The following C12orf42 variants were observed in gnomAD, a reference collection of about 807,000 sequenced individuals.
C12orf42 encodes uncharacterized protein C12orf42.
A neutral mutation model predicts 21.6 loss-of-function variants in C12orf42; 25 were observed. The observed-to-expected ratio is 1.16, with a 90% CI of 0.84 to 1.62. C12orf42 has a LOEUF of 1.62. C12orf42 is among the 40% of genes most tolerant of loss of function. The pLI is 0.00. For missense variants in C12orf42, 483 were observed against 459.3 expected (o/e 1.05, Z -0.47); for synonymous variants, 174 against 175.0 (o/e 0.99, Z 0.05).
At chr12:103,268,576 G>C (rs1253188385) in exon 7 of C12orf42, 1 of 151,480 alleles carries the variant, frequency 6.6e-6, no homozygotes, top group African/African-American at 2.4e-5. Flanking sequence ...AAATCCTCCT[G>C]AACTTGTAAG....
At chr12:103,374,200 A>G (rs972977071) in intron 3 of C12orf42, among the ~76,000 whole-genome samples, 5 of 151,958 alleles carry the variant, frequency 3.3e-5, no homozygotes, top group African/African-American at 1.2e-4. Context: ...GTCACTTTTC[A>G]TTTCCCTACA....
At chr12:103,320,535 A>T (rs1010417118) in intron 4 of C12orf42, among the ~76,000 whole-genome samples, 1 of 152,220 alleles carries the variant, frequency 6.6e-6, no homozygotes, top group Non-Finnish European at 1.5e-5. Context: ...ATGTTATGCA[A>T]AGCAAACTAT....
intron 10 of C12orf42, among the ~76,000 whole-genome samples, chr12:103,257,895 C>T (rs2034691059): frequency 6.6e-6 from 1 of 151,690 alleles, no homozygotes; most frequent in South Asian, 2.1e-4. Context: ...CCAGAATGAC[C>T]AATATCAAAA....
rs73185849 is a variant in C12orf42 at position 103,290,778 on chromosome 12, C to T, written n.338-13568G>A. Among the ~76,000 whole-genome samples, 1,205 of 152,056 alleles carry T rather than the reference C, an allele frequency of 7.9e-3. 9 individuals are homozygous for T. The highest frequency in any genetic ancestry group is 0.02 in the Middle Eastern group (6 of 294). On this transcript the variant is annotated intron_variant and non_coding_transcript_variant, in intron 4 of 6. Coordinates refer to the C12orf42 transcript ENST00000546526. ...AAAAAAGTGGTGTTAATTCCATGCACGCTATACATTTTTAAGAATTCTATT... is the reference window on the plus strand; with the variant it reads ...AAAAAAGTGGTGTTAATTCCATGCATGCTATACATTTTTAAGAATTCTATT...
the C12orf42 span, among the ~76,000 whole-genome samples, chr12:103,530,517 T>C: frequency 6.6e-6 from 1 of 152,212 alleles, no homozygotes; most frequent in Admixed American, 6.5e-5. Context: ...CTTCTCATTA[T>C]GAGGCATGAG....
At chr12:103,221,189 G>C in the C12orf42 span, among the ~76,000 whole-genome samples, 2 of 152,256 alleles carry the variant, frequency 1.3e-5, no homozygotes, top group African/African-American at 4.8e-5. Context: ...ATTTCAGAGA[G>C]ATGGAGTTTG....
At chr12:103,319,167 T>A (rs2039831870) in intron 4 of C12orf42, among the ~76,000 whole-genome samples, 1 of 152,222 alleles carries the variant, frequency 6.6e-6, no homozygotes, top group Non-Finnish European at 1.5e-5. Context: ...ATGTGAACCT[T>A]TTAAATCACA....
At chr12:103,344,580 A>G (rs1247600585) in intron 4 of C12orf42, among the ~76,000 whole-genome samples, 1 of 152,174 alleles carries the variant, frequency 6.6e-6, no homozygotes, top group African/African-American at 2.4e-5. Context: ...ACACACACAC[A>G]CAACAACACA....
chr12:103,334,362 C>T (rs764584843), intron 4 of C12orf42, among the ~76,000 whole-genome samples: 1 of 152,110 alleles, frequency 6.6e-6, no homozygotes, highest in Non-Finnish European at 1.5e-5. Context: ...ATTTTCTTAT[C>T]CCTTATCAAA....
downstream of C12orf42, chr12:103,268,044 C>T (rs114929654): frequency 1.5e-4 from 23 of 152,192 alleles, no homozygotes; most frequent in African/African-American, 5.5e-4. Flanking sequence ...AATACACCTT[C>T]CTCTTTGTTT....
the C12orf42 span, among the ~76,000 whole-genome samples, chr12:103,095,413 G>A: frequency 6.6e-6 from 1 of 152,088 alleles, no homozygotes; most frequent in African/African-American, 2.4e-5. Flanking sequence ...GAACACACCA[G>A]GTACTCTTCT....
At chr12:103,116,370 G>GAAAAAAA in the C12orf42 span, among the ~76,000 whole-genome samples, 1 of 128,672 alleles carries the variant, frequency 7.8e-6, no homozygotes, top group African/African-American at 2.9e-5. Context: ...ATCTCACCAA[G>GAAAAAAA]AAAAAAAAAA....
chr12:103,048,470 T>C, the C12orf42 span, among the ~76,000 whole-genome samples: 1 of 152,056 alleles, frequency 6.6e-6, no homozygotes, highest in Non-Finnish European at 1.5e-5. Context: ...ATATTATAAT[T>C]ACACGTGTGG....
chr12:103,178,387 T>C, the C12orf42 span: 1 of 152,206 alleles, frequency 6.6e-6, no homozygotes, highest in African/African-American at 2.4e-5. Context: ...GTTAGTGAAG[T>C]TTCGAGTTCG....
chr12:103,400,662 C>T lies in C12orf42; in HGVS notation c.147+945G>A, dbSNP rs375945795. 1.6e-4 allele frequency among the ~76,000 whole-genome samples: 24 copies of T among 152,286 alleles called. No homozygotes were observed. In the East Asian group the frequency reaches 3.9e-3, roughly 25 times the overall value. ...CATCTTTTCTACTATTGGCCTTTTC[C>T]ATTAATCTTAAAATGTGATTTTCTA... On this transcript the variant is annotated intron_variant, in intron 3 of 5. Coordinates refer to ENST00000548883, the MANE Select transcript of C12orf42 (RefSeq NM_198521.5).
chr12:103,522,193 T>C, the C12orf42 span, among the ~76,000 whole-genome samples: 3 of 152,206 alleles, frequency 2.0e-5, no homozygotes, highest in Admixed American at 6.5e-5. Flanking sequence ...TCACGAGATC[T>C]GATGGCTATA....
At chr12:103,221,416 A>G in the C12orf42 span, among the ~76,000 whole-genome samples, 1 of 152,260 alleles carries the variant, frequency 6.6e-6, no homozygotes, top group Non-Finnish European at 1.5e-5. Context: ...GTACTGTGCC[A>G]GAATCAAGTC....
chr12:103,090,740 A>C, the C12orf42 span, among the ~76,000 whole-genome samples: 1 of 152,114 alleles, frequency 6.6e-6, no homozygotes, highest in East Asian at 1.9e-4. Flanking sequence ...CGGGAGTTGT[A>C]GAATATTTAC....
At chr12:103,244,888 A>G (rs1242778271) in intron 10 of C12orf42, among the ~76,000 whole-genome samples, 3 of 152,090 alleles carry the variant, frequency 2.0e-5, no homozygotes, top group Non-Finnish European at 2.9e-5. Context: ...TCTGAGGTAC[A>G]TGGACATCTC....
Sources: gnomAD v4.1 joint callset for allele counts (sites outside exome capture counted in the v4.1 genomes callset) on GRCh38, gnomAD v4.1.1 for gene constraint, MANE v1.5 for transcripts, NCBI Gene and HGNC (gene_info 2026-07-23, HGNC 2026-07-21) for gene names.